The following ADCY7 variants were observed in gnomAD, a reference collection of about 807,000 sequenced individuals.
The protein encoded by ADCY7 is adenylate cyclase type 7.
A neutral mutation model predicts 120.6 loss-of-function variants in ADCY7; 72 were observed. That is an observed-to-expected ratio of 0.60 (90% confidence interval 0.49 to 0.73). ADCY7 has a LOEUF of 0.73. Ranked by LOEUF, ADCY7 falls within the 30% of genes least tolerant of loss-of-function variation. ADCY7 has a pLI of 0.00. For synonymous variants in ADCY7, 661 were observed against 628.0 expected, an observed-to-expected ratio of 1.05 and a Z score of -0.78; for missense variants, 1,227 against 1,486.0, an observed-to-expected ratio of 0.83 and a Z score of 2.87.
intron 1 of ADCY7, among the ~76,000 whole-genome samples, chr16:50,271,788 C>T (rs1468816749): frequency 6.6e-6 from 1 of 152,184 alleles, no homozygotes; most frequent in Non-Finnish European, 1.5e-5. Context: ...TGAGGGCCTC[C>T]TTCAGGGGTC....
rs367610894 is a variant in ADCY7, at chr16:50,298,816, TGCACCCTG to T, written c.949-86_949-79del. 9.6e-4 allele frequency: 1,458 copies of T among 1,517,804 alleles called. 10 individuals carry two copies. In the African/African-American group the frequency reaches 0.017, roughly 18 times the overall value. 94.0% of individuals were successfully genotyped at this position (1,517,804 alleles called of 1,614,324 possible). Reference sequence around the variant, plus strand: ...AGCCCCCAGCCAGGAGAGAGCCGGGTGCACCCTGGAGGGTGGGGGGAGGCGGCTGTCGT... The same window carrying T: ...AGCCCCCAGCCAGGAGAGAGCCGGGTGAGGGTGGGGGGAGGCGGCTGTCGT... On this transcript the variant is annotated intron_variant, in intron 7 of 25. Transcript: ENST00000673801.
chr16:50,311,019 C>T, intron 19 of ADCY7, 139 bp downstream of exon 19: 1 of 889,156 alleles, frequency 1.1e-6, no homozygotes, highest in Non-Finnish European at 1.7e-6. Flanking sequence ...GTCCAGCGCT[C>T]AGAGCCGAGG....
chr16:50,315,477 C>A lies in ADCY7; in HGVS notation c.3215C>A (p.Ala1072Asp), dbSNP rs556347965. 1 of 1,613,394 alleles carries A rather than the reference C, an allele frequency of 6.2e-7. No homozygotes were observed. The highest frequency in any genetic ancestry group is 1.3e-5 in the African/African-American group (1 of 75,044). The change falls in exon 26 of 26, where the codon GCC becomes GAC. Residue 1072 changes from alanine (A) to aspartate (D), a missense_variant. Around this residue, in one of 5 missense-constraint regions of ADCY7, gnomAD observed 244 missense variants for 332.8 expected, o/e 0.73. Transcript: ENST00000673801. ...LRTYFVCTDT[A>D]KFQGLGLN ...ACTTACTTTGTCTGTACGGACACTG[C>A]CAAGTTTCAGGGGCTGGGGCTGAAC...
intron 21 of ADCY7, among the ~76,000 whole-genome samples, chr16:50,312,459 C>T (rs2036542240): frequency 6.6e-6 from 1 of 152,220 alleles, no homozygotes; most frequent in Non-Finnish European, 1.5e-5. Context: ...ACAGCCCTTC[C>T]CCACAGGCTT....
At chr16:50,314,672 A>C (rs2036695960) in intron 24 of ADCY7, 2 of 478,904 alleles carry the variant, frequency 4.2e-6, no homozygotes, top group Admixed American at 3.7e-5. Context: ...AATATAGAGA[A>C]GGAAGCAAAG....
At chr16:50,301,039 C>G (rs772188639) in intron 9 of ADCY7, 43 bp from the exon 10 acceptor site, 4 of 1,603,114 alleles carry the variant, frequency 2.5e-6, no homozygotes, top group Non-Finnish European at 8.5e-7. Flanking sequence ...GATGCCAGCC[C>G]TCTCTGGGCC....
intron 7 of ADCY7, among the ~76,000 whole-genome samples, chr16:50,295,085 G>A (rs1424680513): frequency 6.6e-6 from 1 of 152,204 alleles, no homozygotes; most frequent in African/African-American, 2.4e-5. Flanking sequence ...CACTCACCTG[G>A]TAGCTCAGGA....
exon 1 of ADCY7, chr16:50,246,191 G>T: frequency 6.7e-6 from 1 of 149,420 alleles, no homozygotes; most frequent in South Asian, 1.9e-4. Context: ...GGTGGAGCGG[G>T]AGCGCGCAGC....
intron 22 of ADCY7, 101 bp from the exon 23 acceptor site, chr16:50,313,857 G>A (rs1299113895): frequency 2.2e-6 from 2 of 893,006 alleles, no homozygotes; most frequent in Non-Finnish European, 3.6e-6. Context: ...GCGAGAGGCG[G>A]CGATGGGTGG....
intron 19 of ADCY7, 98 bp downstream of exon 19, chr16:50,310,978 G>A (rs2036420397): frequency 1.6e-6 from 2 of 1,278,170 alleles, no homozygotes; most frequent in Non-Finnish European, 2.1e-6. Flanking sequence ...ATGGGGAGTG[G>A]GCACCTTGCA....
chr16:50,290,706 C>T (rs769649598), intron 3 of ADCY7, 46 bp downstream of exon 3: 8 of 1,574,446 alleles, frequency 5.1e-6, no homozygotes, highest in Non-Finnish European at 6.9e-6. Context: ...TTCAGCAGCT[C>T]CCATCCCCGT....
chr16:50,258,492 A>G (rs1395575762), intron 1 of ADCY7, among the ~76,000 whole-genome samples: 1 of 141,408 alleles, frequency 7.1e-6, no homozygotes, highest in Non-Finnish European at 1.5e-5. Flanking sequence ...TTCACACAAC[A>G]GCACATTGGA....
chr16:50,290,844 G>A (rs377233602), intron 3 of ADCY7, among the ~76,000 whole-genome samples, 184 bp downstream of exon 3: 16 of 152,300 alleles, frequency 1.1e-4, no homozygotes, highest in East Asian at 7.7e-4. Context: ...GCATCCACTC[G>A]GACGCTGGGC....
intron 10 of ADCY7, among the ~76,000 whole-genome samples, chr16:50,303,964 C>A (rs1227795027): frequency 6.6e-6 from 1 of 152,054 alleles, no homozygotes; most frequent in East Asian, 1.9e-4. Flanking sequence ...GGTGCTCAGG[C>A]CCCAGGGACT....
At position 50,297,081 on chromosome 16, in the gene ADCY7, C is replaced by T. The variant is rs1293099262; in HGVS notation, c.949-1823C>T. ...GCCCTTGGACACAGTCTTCCCTCTC[C>T]AGCAGGCCCAGGAGGCGTGGCCCTA... On this transcript the variant is annotated intron_variant, in intron 7 of 25. Transcript: ENST00000673801. The surrounding 1 kb of genome is among the most constrained non-coding windows in gnomAD (Gnocchi z 4.4). Among the ~76,000 whole-genome samples the T allele has an allele frequency of 6.6e-6, 1 of 152,260 alleles. No individual in the cohort carries two copies. The highest frequency in any genetic ancestry group is 1.5e-5 in the Non-Finnish European group (1 of 68,038).
At chr16:50,265,217 T>G (rs2033167584), upstream of ADCY7, among the ~76,000 whole-genome samples, 1 of 152,200 alleles carries the variant, frequency 6.6e-6, no homozygotes, top group Non-Finnish European at 1.5e-5. Context: ...GTGGCTTGTC[T>G]TTCCCCTCTT....
Position 50,299,007 on chromosome 16 carries a change from G to A in ADCY7, c.1052G>A (p.Gly351Glu). ...CACGCCCGGAACTGCGTGAAGATGG[G>A]GCTGGACATGTGCCAGGCCATCAAG... ...PTHARNCVKMGLDMCQAIKQV... is the reference protein window; with the variant it reads ...PTHARNCVKMELDMCQAIKQV... The change falls in exon 8 of 26, where the codon GGG (glycine) becomes GAG (glutamate). Residue 351 changes from glycine (G) to glutamate (E), a missense_variant. This residue lies in a region of ADCY7 where 332 missense variants were observed against 455.8 expected (regional missense o/e 0.73). Transcript: ENST00000673801. 1 of 1,612,212 alleles carries A rather than the reference G, an allele frequency of 6.2e-7. No individual in the cohort carries two copies. The highest frequency in any genetic ancestry group is 1.6e-4 in the Middle Eastern group (1 of 6,062).
chr16:50,250,456 C>CAA (rs34443362), intron 1 of ADCY7, among the ~76,000 whole-genome samples: 795 of 68,238 alleles, frequency 0.012, 10 homozygotes, highest in African/African-American at 0.038. Context: ...GACTCTATCT[C>CAA]AAAAAAAAAA....
intron 1 of ADCY7, among the ~76,000 whole-genome samples, chr16:50,252,481 C>T (rs998343630): frequency 1.3e-5 from 2 of 152,150 alleles, no homozygotes; most frequent in African/African-American, 4.8e-5. Flanking sequence ...GTTTGTGTGC[C>T]TGGGTAGGCA....
Sources: gnomAD v4.1 joint callset for allele counts (sites outside exome capture counted in the v4.1 genomes callset) on GRCh38, gnomAD v4.1.1 for gene constraint, gnomAD v4.1.1 regional missense constraint, Gnocchi (gnomAD v3.1) non-coding constraint, MANE v1.5 for transcripts, NCBI Gene and HGNC (gene_info 2026-07-23, HGNC 2026-07-21) for gene names.